Variants in RYR3 observed in about 807,000 individuals in gnomAD.
The protein encoded by RYR3 is ryanodine receptor 3, also known as brain ryanodine receptor-calcium release channel.
In RYR3, 207 loss-of-function variants were observed where a neutral mutation model predicts 584.3. That is an observed-to-expected ratio of 0.35 (90% confidence interval 0.32 to 0.40). The LOEUF (loss-of-function observed/expected upper bound fraction) is 0.40, where lower values mean the gene tolerates loss of function less well. RYR3 is among the 10% of genes least tolerant of loss of function. RYR3 has a pLI of 1.00. For synonymous variants in RYR3, 2,416 were observed against 2,248.5 expected (o/e 1.07, Z -2.11); for missense variants, 5,616 against 6,089.2 (o/e 0.92, Z 2.59).
At chr15:33,630,500 G>A (rs2061212048) in intron 22 of RYR3, among the ~76,000 whole-genome samples, 1 of 152,142 alleles carries the variant, frequency 6.6e-6, no homozygotes, top group Non-Finnish European at 1.5e-5. Context: ...TTCTTTGGGG[G>A]CTTGTTACCT....
intron 60 of RYR3, among the ~76,000 whole-genome samples, chr15:33,762,848 C>T (rs938910679): frequency 2.0e-5 from 3 of 152,158 alleles, no homozygotes; most frequent in East Asian, 1.9e-4. Context: ...GGAGGCATCA[C>T]GCTACCTGAC....
At chr15:33,560,831 C>A (rs1409300574) in intron 10 of RYR3, among the ~76,000 whole-genome samples, 1 of 151,304 alleles carries the variant, frequency 6.6e-6, no homozygotes, top group Non-Finnish European at 1.5e-5. Flanking sequence ...GTTATAAAAT[C>A]AGAAATATGT....
chr15:33,783,969 G>T (rs953161110), intron 65 of RYR3, among the ~76,000 whole-genome samples: 2 of 152,180 alleles, frequency 1.3e-5, no homozygotes, highest in African/African-American at 4.8e-5. Context: ...GGTTTTAAAA[G>T]ATATTGGTCC....
At chr15:33,641,307 C>G (rs2061810818) in intron 27 of RYR3, among the ~76,000 whole-genome samples, 1 of 152,216 alleles carries the variant, frequency 6.6e-6, no homozygotes, top group South Asian at 2.1e-4. Context: ...CCCCAGTCCA[C>G]TTTCTAGGTC....
In RYR3 at chr15:33,838,011, C is replaced by T; in HGVS notation, c.12031C>T (p.Leu4011=). The change falls in exon 89 of 104, where the codon CTG becomes TTG. Residue 4011 remains leucine (L), a synonymous_variant. Coordinates refer to ENST00000634891, the MANE Select transcript of RYR3 (RefSeq NM_001036.6). ...TGAACACATGCCAAACGATTCCCGC[C>T]TGAAGTGTCTGTTGGACCCAGCAGA... The part of the protein sequence containing the change: ...LSEHMPNDSR[L]KCLLDPAESV... The T allele has an allele frequency of 6.2e-7, 1 of 1,614,004 alleles. No homozygotes were observed. Among genetic ancestry groups the T allele is most frequent in the East Asian group, 2.2e-5 (1 of 44,886 alleles).
At chr15:33,657,990 C>T (rs2062919262) in intron 32 of RYR3, among the ~76,000 whole-genome samples, 1 of 152,220 alleles carries the variant, frequency 6.6e-6, no homozygotes, top group African/African-American at 2.4e-5. Context: ...TTAAAGAAAA[C>T]CTGTGACAAT....
intron 75 of RYR3, 125 bp downstream of exon 75, chr15:33,817,083 C>T (rs962927565): frequency 1.8e-5 from 11 of 597,836 alleles, no homozygotes; most frequent in Admixed American, 1.1e-4. Flanking sequence ...AAAGCACTAA[C>T]TGTGTAAGTG....
At chr15:33,486,935 G>T (rs2572171) in intron 2 of RYR3, among the ~76,000 whole-genome samples, 67,491 of 151,878 alleles carry the variant, frequency 0.44, 15,824 homozygotes, top group Non-Finnish European at 0.52. Context: ...AGTGGGTCAT[G>T]ACTGTAATCC....
At chr15:33,774,476 G>C (rs979068933) in intron 64 of RYR3, among the ~76,000 whole-genome samples, 7 of 152,086 alleles carry the variant, frequency 4.6e-5, no homozygotes, top group Non-Finnish European at 5.9e-5. Flanking sequence ...GTGAACCCTC[G>C]TCTCATGTCA....
intron 1 of RYR3, among the ~76,000 whole-genome samples, chr15:33,393,170 G>A (rs1384361978): frequency 6.6e-6 from 1 of 152,176 alleles, no homozygotes; most frequent in Non-Finnish European, 1.5e-5. Flanking sequence ...ATTTTTCAGG[G>A]AACAGTTCTG....
At chr15:33,339,696 T>C (rs1044830757) in intron 1 of RYR3, among the ~76,000 whole-genome samples, 9 of 152,098 alleles carry the variant, frequency 5.9e-5, no homozygotes, top group Non-Finnish European at 1.3e-4. Context: ...CAGACCATCC[T>C]GGCTAACACG....
chr15:33,801,853 A>T lies in RYR3; in HGVS notation c.9919-16A>T. On this transcript the variant is annotated splice_polypyrimidine_tract_variant and intron_variant, in intron 68 of 103. Transcript: ENST00000634891. ...CTTTCTTGTAATGTTTGCTGTTTCA[A>T]TTCTTTCCCACTTAGAACTTCAAGA... 1 of 1,362,196 alleles carries T rather than the reference A, an allele frequency of 7.3e-7. No individual in the cohort carries two copies. Among genetic ancestry groups the T allele is most frequent in the Non-Finnish European group, 1.0e-6 (1 of 974,246 alleles). 84.4% of individuals were successfully genotyped at this position (1,362,196 alleles called of 1,614,324 possible).
chr15:33,726,271 A>G, intron 45 of RYR3, 115 bp from the exon 46 acceptor site: 1 of 1,131,056 alleles, frequency 8.8e-7, no homozygotes, highest in Non-Finnish European at 1.3e-6. Flanking sequence ...AATTAGGGAA[A>G]CATAGAAATG....
intron 67 of RYR3, among the ~76,000 whole-genome samples, chr15:33,795,304 G>C (rs554443262): frequency 6.6e-6 from 1 of 152,036 alleles, no homozygotes; most frequent in Non-Finnish European, 1.5e-5. Flanking sequence ...TGTGCTCAGT[G>C]GGGGACACAT....
rs1184199652 is a variant in RYR3 at position 33,716,164 on chromosome 15, C to G, written c.6620-6551C>G. Among the ~76,000 whole-genome samples the G allele has an allele frequency of 1.3e-5, 2 of 152,164 alleles. 1 individual carries two copies. The highest frequency in any genetic ancestry group is 1.3e-4 in the Admixed American group (2 of 15,276). On this transcript the variant is annotated intron_variant, in intron 43 of 103. Coordinates refer to ENST00000634891, the MANE Select transcript of RYR3 (RefSeq NM_001036.6). ...AGTTTCCCAAGGCCTCACCAGAAAC[C>G]AAGCAGTTGCTGGCACCGTTTCCTG...
chr15:33,329,639 T>G (rs1174908367), intron 1 of RYR3, among the ~76,000 whole-genome samples: 3 of 152,182 alleles, frequency 2.0e-5, no homozygotes, highest in Non-Finnish European at 4.4e-5. Flanking sequence ...TTGGTAAAAA[T>G]GCTTACTCAC....
chr15:33,538,301 T>G (rs2055508130), intron 5 of RYR3, among the ~76,000 whole-genome samples: 1 of 152,138 alleles, frequency 6.6e-6, no homozygotes, highest in Non-Finnish European at 1.5e-5. Context: ...CACTTTTAGG[T>G]CATCTGGCAG....
chr15:33,596,647 C>T (rs920102092), intron 16 of RYR3, among the ~76,000 whole-genome samples: 1 of 152,168 alleles, frequency 6.6e-6, no homozygotes. Flanking sequence ...CCATCTCAAA[C>T]ATTTATCATT....
rs1347744433 is a variant in RYR3 at position 33,646,018 on chromosome 15, GC to G, written c.3766-328del. ...GAAAGATTATCTTCTTTAGCCACTT[GC>G]CCCCTGACCTAAAAGGTTAGCCTCT... On this transcript the variant is annotated intron_variant, in intron 28 of 103. Transcript: ENST00000634891. Among the ~76,000 whole-genome samples the G allele has an allele frequency of 3.3e-5, 5 of 152,242 alleles. No homozygotes were observed. The East Asian group carries it at 9.6e-4, about 29-fold the overall frequency.
Sources: gnomAD v4.1 joint callset for allele counts (sites outside exome capture counted in the v4.1 genomes callset) on GRCh38, gnomAD v4.1.1 for gene constraint, MANE v1.5 for transcripts, NCBI Gene and HGNC (gene_info 2026-07-23, HGNC 2026-07-21) for gene names.